The following SGCD variants were observed in gnomAD, a reference collection of about 807,000 sequenced individuals.
SGCD encodes delta-sarcoglycan.
A neutral mutation model predicts 36.6 loss-of-function variants in SGCD; 18 were observed. That is an observed-to-expected ratio of 0.49 (90% CI 0.34 to 0.73). The LOEUF (loss-of-function observed/expected upper bound fraction) is 0.73. Ranked by LOEUF, SGCD falls within the 30% of genes least tolerant of loss-of-function variation. The probability of loss-of-function intolerance (pLI) is 0.01; values close to 1 mark genes in which losing one functional copy is unlikely to be tolerated. For synonymous variants in SGCD, 133 were observed against 130.6 expected, an observed-to-expected ratio of 1.02 and a Z score of -0.12; for missense variants, 387 against 346.7, an observed-to-expected ratio of 1.12 and a Z score of -0.92.
chr5:155,731,353 G>A, the SGCD span, among the ~76,000 whole-genome samples: 2 of 152,006 alleles, frequency 1.3e-5, no homozygotes, highest in Admixed American at 1.3e-4. Context: ...GGGTGGGGAA[G>A]TCAGATGGGG....
chr5:155,750,222 G>A, the SGCD span, among the ~76,000 whole-genome samples: 95 of 152,264 alleles, frequency 6.2e-4, no homozygotes, highest in African/African-American at 1.9e-3. Context: ...GTAATCAAAT[G>A]CCTTCAAAAT....
At chr5:156,505,581 C>T (rs533147978) in intron 3 of SGCD, among the ~76,000 whole-genome samples, 1 of 152,114 alleles carries the variant, frequency 6.6e-6, no homozygotes, top group Non-Finnish European at 1.5e-5. Context: ...ATGGTGTGTC[C>T]AGGCAGGGGC....
chr5:156,043,770 T>A (rs1239389713), intron 1 of SGCD, among the ~76,000 whole-genome samples: 1 of 152,172 alleles, frequency 6.6e-6, no homozygotes, highest in African/African-American at 2.4e-5. Flanking sequence ...CAACACTCTT[T>A]AAAAAAGGAA....
intron 3 of SGCD, among the ~76,000 whole-genome samples, chr5:156,285,708 A>C (rs938159276): frequency 7.2e-5 from 11 of 152,204 alleles, no homozygotes; most frequent in Admixed American, 3.9e-4. Flanking sequence ...TTGGACCTAA[A>C]ACCATAAAAA....
At chr5:156,393,931 T>C in intron 3 of SGCD, 4 of 418,822 alleles carry the variant, frequency 9.6e-6, no homozygotes, top group Non-Finnish European at 4.9e-6. Context: ...AAGAGATGGG[T>C]AAGACCTGAT....
the SGCD span, among the ~76,000 whole-genome samples, chr5:155,755,701 A>G: frequency 6.6e-6 from 1 of 152,148 alleles, no homozygotes; most frequent in African/African-American, 2.4e-5. Context: ...GTGTTCTTGT[A>G]ACCCTGACAA....
chr5:156,309,737 C>CGTGTGA (rs1377699200), intron 3 of SGCD, among the ~76,000 whole-genome samples: 3 of 151,666 alleles, frequency 2.0e-5, no homozygotes, highest in Non-Finnish European at 4.4e-5. Flanking sequence ...CCACCTGCCT[C>CGTGTGA]GGCCTCCCAA....
chr5:156,443,363 C>G (rs114677086), intron 3 of SGCD, among the ~76,000 whole-genome samples: 429 of 152,276 alleles, frequency 2.8e-3, no homozygotes, highest in African/African-American at 0.01. Context: ...TTCACAAACT[C>G]TTGATAGCAG....
chr5:156,736,592 A>G (rs906390540), intron 7 of SGCD, among the ~76,000 whole-genome samples: 1 of 152,170 alleles, frequency 6.6e-6, no homozygotes, highest in African/African-American at 2.4e-5. Context: ...GAAAGTTTTA[A>G]GAAGGCTACT....
At chr5:156,492,402 G>A (rs763006442) in intron 3 of SGCD, among the ~76,000 whole-genome samples, 20 of 152,048 alleles carry the variant, frequency 1.3e-4, no homozygotes, top group Non-Finnish European at 1.9e-4. Flanking sequence ...TGATGGCATA[G>A]TTCCAGTCTA....
At chr5:155,800,009 G>A in the SGCD span, among the ~76,000 whole-genome samples, 1 of 151,562 alleles carries the variant, frequency 6.6e-6, no homozygotes, top group Admixed American at 6.6e-5. Flanking sequence ...AGTAGAGATG[G>A]GGTTTCACCA....
At chr5:156,032,338 G>GT (rs1561689226) in intron 1 of SGCD, among the ~76,000 whole-genome samples, 3 of 151,628 alleles carry the variant, frequency 2.0e-5, no homozygotes, top group South Asian at 4.2e-4. Flanking sequence ...ATTCTTTTTT[G>GT]TTTTTTTAAC....
intron 1 of SGCD, among the ~76,000 whole-genome samples, chr5:156,052,962 C>A (rs1561697935): frequency 6.9e-6 from 1 of 145,928 alleles, no homozygotes; most frequent in African/African-American, 2.5e-5. Flanking sequence ...ATGTGTTGTG[C>A]CCCCCTGGGG....
At chr5:156,649,056 G>A (rs1398717180) in intron 7 of SGCD, among the ~76,000 whole-genome samples, 2 of 152,172 alleles carry the variant, frequency 1.3e-5, no homozygotes, top group Non-Finnish European at 2.9e-5. Flanking sequence ...CGAAGGATAT[G>A]AACAGATAAT....
intron 7 of SGCD, among the ~76,000 whole-genome samples, chr5:156,747,948 A>G (rs1757007277): frequency 6.6e-6 from 1 of 152,206 alleles, no homozygotes; most frequent in Non-Finnish European, 1.5e-5. Flanking sequence ...GAATGTTCAT[A>G]GTACTTTCTA....
At chr5:156,085,384 G>T (rs900515342) in intron 1 of SGCD, among the ~76,000 whole-genome samples, 1 of 152,092 alleles carries the variant, frequency 6.6e-6, no homozygotes, top group African/African-American at 2.4e-5. Context: ...AGATCTGGTT[G>T]TTTTACAGTG....
the SGCD span, among the ~76,000 whole-genome samples, chr5:155,787,542 A>G: frequency 6.6e-6 from 1 of 152,156 alleles, no homozygotes; most frequent in Non-Finnish European, 1.5e-5. Flanking sequence ...TGCGAATGGA[A>G]GGAATGTGGG....
intron 4 of SGCD, among the ~76,000 whole-genome samples, chr5:156,586,752 T>A (rs1455344904): frequency 6.6e-6 from 1 of 152,112 alleles, no homozygotes; most frequent in Non-Finnish European, 1.5e-5. Context: ...AAGATTTTGG[T>A]TTTTTTGTTT....
chr5:156,493,576 G>T (rs1239572318), intron 3 of SGCD, among the ~76,000 whole-genome samples: 3 of 152,110 alleles, frequency 2.0e-5, no homozygotes, highest in Non-Finnish European at 2.9e-5. Flanking sequence ...GATTATTAAT[G>T]ATTCCCTTTT....
Sources: allele counts gnomAD v4.1 joint callset (sites outside exome capture counted in the v4.1 genomes callset), GRCh38; gene constraint gnomAD v4.1.1; transcripts MANE v1.5; gene names NCBI Gene and HGNC (gene_info 2026-07-23, HGNC 2026-07-21).